Variants in NCALD observed in about 807,000 individuals in gnomAD.
NCALD encodes neurocalcin-delta.
In NCALD, 10 loss-of-function variants were observed where a neutral mutation model predicts 18.6. The ratio of observed to expected loss-of-function variants is 0.54; its 90% CI spans 0.33 to 0.91. NCALD has a LOEUF of 0.91. NCALD is among the 40% of genes least tolerant of loss of function. NCALD has a pLI of 0.03. For missense variants in NCALD, 184 were observed against 247.6 expected (o/e 0.74, Z 1.72); for synonymous variants, 88 against 87.4 (o/e 1.01, Z -0.04).
intron 1 of NCALD, among the ~76,000 whole-genome samples, chr8:102,104,359 C>T (rs1220828395): frequency 1.3e-5 from 2 of 152,014 alleles, no homozygotes; most frequent in Non-Finnish European, 2.9e-5. Flanking sequence ...ATAGGGGGCA[C>T]CTAGCAAGAG....
chr8:102,073,135 T>A (rs1213930261), intron 1 of NCALD, among the ~76,000 whole-genome samples: 1 of 152,174 alleles, frequency 6.6e-6, no homozygotes, highest in Admixed American at 6.5e-5. Flanking sequence ...CAAAGTTATT[T>A]TTTAAATCAC....
chr8:102,088,036 T>G (rs1483943513), intron 1 of NCALD, among the ~76,000 whole-genome samples: 1 of 152,228 alleles, frequency 6.6e-6, no homozygotes, highest in African/African-American at 2.4e-5. Context: ...GCAAATCTTT[T>G]GCGCTTTGTG....
At chr8:101,766,727 C>T (rs1310340855) in intron 1 of NCALD, among the ~76,000 whole-genome samples, 1 of 152,130 alleles carries the variant, frequency 6.6e-6, no homozygotes, top group Admixed American at 6.5e-5. Flanking sequence ...CAGGCGCATG[C>T]CACCATGCCT....
Position 101,916,606 on chromosome 8 carries a change from G to A in NCALD, c.-156-748C>T, listed in dbSNP as rs150471664. Among the ~76,000 whole-genome samples the A allele has an allele frequency of 8.9e-3, 1,360 of 152,114 alleles. 8 individuals carry two copies. Among genetic ancestry groups the A allele is most frequent in the Non-Finnish European group, 0.014 (934 of 67,892 alleles). ...TTGGATAAAAGAATGAAGTCCAATT[G>A]TCTGCTGTCTTCAAGAGACCCATAG... is the stretch of plus-strand genomic sequence containing the variant. On this transcript the variant is annotated intron_variant, in intron 2 of 6. Transcript: ENST00000311028.
intron 1 of NCALD, among the ~76,000 whole-genome samples, chr8:102,074,208 A>G (rs1480764852): frequency 1.3e-5 from 2 of 152,212 alleles, no homozygotes; most frequent in Non-Finnish European, 2.9e-5. Flanking sequence ...GTCTATGGGA[A>G]AAAATCACCC....
chr8:101,929,927 T>C lies in NCALD; in HGVS notation c.-156-14069A>G, dbSNP rs181952557. Among the ~76,000 whole-genome samples the C allele has an allele frequency of 6.1e-3, 920 of 152,034 alleles. 6 individuals carry two copies. Among genetic ancestry groups the C allele is most frequent in the African/African-American group, 0.019 (805 of 41,462 alleles). On this transcript the variant is annotated intron_variant, in intron 2 of 6. Transcript: ENST00000311028. The stretch of plus-strand genomic sequence containing the variant: ...CCACATCGCCCAGTGTGGTGATGGG[T>C]GCCTGTAATCCCAACTGCTCAGGAG...
intron 1 of NCALD, among the ~76,000 whole-genome samples, chr8:102,025,127 C>G (rs1157016245): frequency 6.6e-6 from 1 of 152,152 alleles, no homozygotes; most frequent in Non-Finnish European, 1.5e-5. Flanking sequence ...CTGTGCCAGC[C>G]CTCTATAGGT....
At chr8:101,800,698 A>C (rs930567351) in intron 4 of NCALD, among the ~76,000 whole-genome samples, 2 of 151,426 alleles carry the variant, frequency 1.3e-5, no homozygotes, top group African/African-American at 4.9e-5. Context: ...ATATCACACA[A>C]ACTCTACCAA....
intron 1 of NCALD, among the ~76,000 whole-genome samples, chr8:101,768,969 A>G (rs1475154609): frequency 6.6e-6 from 1 of 152,164 alleles, no homozygotes; most frequent in African/African-American, 2.4e-5. Flanking sequence ...AGGTGTGTCC[A>G]GTGTTATCAC....
intron 1 of NCALD, among the ~76,000 whole-genome samples, chr8:101,766,872 C>T (rs1170363161): frequency 6.6e-6 from 1 of 152,214 alleles, no homozygotes; most frequent in African/African-American, 2.4e-5. Context: ...AGTCACTGCG[C>T]CTGGCCCCGC....
At chr8:102,095,742 T>G (rs1825073298) in intron 1 of NCALD, among the ~76,000 whole-genome samples, 1 of 152,138 alleles carries the variant, frequency 6.6e-6, no homozygotes. Flanking sequence ...CTGAAGATGG[T>G]TTTTTCATTA....
chr8:101,951,025 C>T (rs750143454), intron 2 of NCALD, among the ~76,000 whole-genome samples: 3 of 152,116 alleles, frequency 2.0e-5, no homozygotes, highest in East Asian at 1.9e-4. Flanking sequence ...TTTTGGAGGC[C>T]GCAGGTGCTA....
At chr8:101,890,721 A>G (rs1816841202) in intron 3 of NCALD, among the ~76,000 whole-genome samples, 1 of 152,236 alleles carries the variant, frequency 6.6e-6, no homozygotes, top group Non-Finnish European at 1.5e-5. Flanking sequence ...TGGACTTCCC[A>G]GCCTCCAAAA....
intron 1 of NCALD, among the ~76,000 whole-genome samples, chr8:102,035,536 T>C (rs1161607891): frequency 6.6e-6 from 1 of 152,120 alleles, no homozygotes; most frequent in African/African-American, 2.4e-5. Context: ...GTCTCCATAG[T>C]CCAGAGAAAG....
At chr8:102,074,881 T>G (rs1205459447) in intron 1 of NCALD, among the ~76,000 whole-genome samples, 1 of 152,184 alleles carries the variant, frequency 6.6e-6, no homozygotes, top group African/African-American at 2.4e-5. Context: ...CAATTTTGGG[T>G]GGGGCCATTA....
chr8:101,931,747 T>C (rs979815060), intron 2 of NCALD, among the ~76,000 whole-genome samples: 1 of 152,210 alleles, frequency 6.6e-6, no homozygotes, highest in Non-Finnish European at 1.5e-5. Context: ...GGTGTAGTCC[T>C]GTCCCAGTGG....
chr8:101,766,654 G>A (rs1266648297), intron 1 of NCALD, among the ~76,000 whole-genome samples: 1 of 152,172 alleles, frequency 6.6e-6, no homozygotes, highest in Non-Finnish European at 1.5e-5. Context: ...TCAGCCCACT[G>A]CAACCTCTGA....
chr8:101,942,620 G>A (rs569073409), intron 2 of NCALD, among the ~76,000 whole-genome samples: 26 of 152,298 alleles, frequency 1.7e-4, no homozygotes, highest in Non-Finnish European at 3.5e-4. Flanking sequence ...AGATGATTAC[G>A]TGTTCTACCT....
intron 2 of NCALD, among the ~76,000 whole-genome samples, chr8:101,966,100 A>C (rs1487987706): frequency 6.6e-6 from 1 of 151,278 alleles, no homozygotes; most frequent in Non-Finnish European, 1.5e-5. Flanking sequence ...AAATACTCTG[A>C]TAAAAAAAAG....
Sources: gnomAD v4.1 joint callset for allele counts (sites outside exome capture counted in the v4.1 genomes callset) on GRCh38, gnomAD v4.1.1 for gene constraint, MANE v1.5 for transcripts, NCBI Gene and HGNC (gene_info 2026-07-23, HGNC 2026-07-21) for gene names.